The following ECT2L variants were observed in gnomAD, a reference collection of about 807,000 sequenced individuals.
The protein encoded by ECT2L is epithelial cell-transforming sequence 2 oncogene-like.
Under a neutral mutation model 122.8 loss-of-function variants are expected in ECT2L, and 126 were observed. That is an observed-to-expected ratio of 1.03 (90% CI 0.89 to 1.19). ECT2L has a LOEUF of 1.19. Ranked by LOEUF, ECT2L falls within the 50% of genes most tolerant of loss-of-function variation. The pLI, the probability that ECT2L is intolerant of heterozygous loss-of-function variation, is 0.00. For synonymous variants in ECT2L, 385 were observed against 381.8 expected, an observed-to-expected ratio of 1.01 and a Z score of -0.10; for missense variants, 1,012 against 1,064.1, an observed-to-expected ratio of 0.95 and a Z score of 0.68.
chr6:138,883,701 A>G lies in ECT2L; in HGVS notation c.2028+830A>G, dbSNP rs550050263. On this transcript the variant is annotated intron_variant, in intron 16 of 21. Transcript: ENST00000541398. Reference sequence around the variant, plus strand: ...GATTCAAAAGTTACATAAATAAGGTAGTTTCATAGAACCGACCTTGGAGAC... The same window carrying G: ...GATTCAAAAGTTACATAAATAAGGTGGTTTCATAGAACCGACCTTGGAGAC... 1.5e-4 allele frequency among the ~76,000 whole-genome samples: 23 copies of G among 152,340 alleles called. 1 individual carries two copies. The highest frequency in any genetic ancestry group is 1.3e-3 in the Admixed American group (20 of 15,304).
chr6:138,825,967 G>A (rs1013192361), intron 4 of ECT2L, among the ~76,000 whole-genome samples: 5 of 152,120 alleles, frequency 3.3e-5, no homozygotes, highest in East Asian at 3.9e-4. Flanking sequence ...CTTAGTCAAC[G>A]ACTCCCACAA....
chr6:138,858,992 G>A (rs571249775), intron 10 of ECT2L, among the ~76,000 whole-genome samples: 6 of 151,936 alleles, frequency 3.9e-5, no homozygotes, highest in Admixed American at 1.3e-4. Context: ...GCACCATCCC[G>A]CCTGGCCTAG....
intron 13 of ECT2L, among the ~76,000 whole-genome samples, chr6:138,868,769 C>T (rs1297009359): frequency 6.6e-6 from 1 of 152,138 alleles, no homozygotes; most frequent in East Asian, 1.9e-4. Context: ...GTCTACACTT[C>T]AGAAAACAGT....
chr6:138,893,171 TTTG>T (rs1324518816), intron 20 of ECT2L, among the ~76,000 whole-genome samples: 4 of 144,054 alleles, frequency 2.8e-5, no homozygotes, highest in East Asian at 2.1e-4. Flanking sequence ...TCAGTTTTTT[TTTG>T]TTTTTTTTTT....
chr6:138,814,167 CCACATTAGCCTAGGT>C (rs1485189731), intron 3 of ECT2L, among the ~76,000 whole-genome samples: 1 of 152,114 alleles, frequency 6.6e-6, no homozygotes, highest in Non-Finnish European at 1.5e-5. Flanking sequence ...TTTCCCTAGG[CCACATTAGCCTAGGT>C]AGAAACAAGA....
chr6:138,833,049 T>C (rs1776705852), intron 4 of ECT2L, among the ~76,000 whole-genome samples: 2 of 152,042 alleles, frequency 1.3e-5, no homozygotes, highest in African/African-American at 4.8e-5. Context: ...AAGGAGGAAC[T>C]GTCAAACGCC....
intron 16 of ECT2L, among the ~76,000 whole-genome samples, chr6:138,885,280 C>T (rs1188830): frequency 0.35 from 53,459 of 151,876 alleles, 11,262 homozygotes; most frequent in Admixed American, 0.5. Flanking sequence ...CGCCTGCCTC[C>T]GCCTCCCAAA....
intron 11 of ECT2L, among the ~76,000 whole-genome samples, chr6:138,863,224 C>T (rs545349993): frequency 2.6e-5 from 4 of 152,298 alleles, no homozygotes; most frequent in African/African-American, 4.8e-5. Flanking sequence ...AAATGTAACA[C>T]GGGCTGACCA....
At chr6:138,883,622 G>T (rs1471687187) in intron 16 of ECT2L, among the ~76,000 whole-genome samples, 3 of 152,200 alleles carry the variant, frequency 2.0e-5, no homozygotes, top group Non-Finnish European at 4.4e-5. Context: ...AGCTTCCTTT[G>T]TAGTATTCCT....
intron 4 of ECT2L, among the ~76,000 whole-genome samples, chr6:138,830,721 C>T (rs1167758907): frequency 6.6e-6 from 1 of 152,154 alleles, no homozygotes; most frequent in East Asian, 1.9e-4. Context: ...ATCTGGCTTC[C>T]TCCTACCTCT....
At chr6:138,834,926 C>T (rs1776770197) in intron 4 of ECT2L, among the ~76,000 whole-genome samples, 1 of 139,976 alleles carries the variant, frequency 7.1e-6, no homozygotes, top group Non-Finnish European at 1.5e-5. Flanking sequence ...CACACACACA[C>T]ACACACACAC....
At chr6:138,837,849 A>G (rs1413316219) in intron 4 of ECT2L, among the ~76,000 whole-genome samples, 1 of 152,018 alleles carries the variant, frequency 6.6e-6, no homozygotes, top group Admixed American at 6.6e-5. Context: ...TGTGAATTTT[A>G]GATATTCTTG....
chr6:138,818,251 G>A (rs866449990), intron 4 of ECT2L, among the ~76,000 whole-genome samples: 1 of 152,116 alleles, frequency 6.6e-6, no homozygotes, highest in Non-Finnish European at 1.5e-5. Context: ...ATTCACTCTC[G>A]TCACTTGTCT....
intron 3 of ECT2L, 52 bp downstream of exon 3, chr6:138,813,392 C>G (rs746231934): frequency 8.5e-6 from 12 of 1,415,458 alleles, no homozygotes; most frequent in Non-Finnish European, 1.2e-5. Context: ...GGTTAATTTT[C>G]CTGTGATATA....
intron 19 of ECT2L, among the ~76,000 whole-genome samples, chr6:138,887,550 G>A (rs939093733): frequency 1.3e-5 from 2 of 152,090 alleles, no homozygotes; most frequent in Admixed American, 1.3e-4. Context: ...CTATCTCCCT[G>A]CATATGATAC....
intron 4 of ECT2L, chr6:138,822,683 C>T (rs1167238376): frequency 4.9e-6 from 7 of 1,433,446 alleles, no homozygotes; most frequent in Non-Finnish European, 5.7e-6. Context: ...CTCCGGTCTA[C>T]AGCTCCCAGC....
At chr6:138,807,632 A>G (rs866333247) in intron 1 of ECT2L, among the ~76,000 whole-genome samples, 1 of 152,022 alleles carries the variant, frequency 6.6e-6, no homozygotes, top group East Asian at 1.9e-4. Flanking sequence ...CCAGATACCA[A>G]TTTTTTTTGT....
rs536127791 is a variant in ECT2L at position 138,872,320 on chromosome 6, C to T, written c.1578+4114C>T. 2.6e-5 allele frequency among the ~76,000 whole-genome samples: 4 copies of T among 152,352 alleles called. No homozygotes were observed. The South Asian group carries it at 6.2e-4, about 24-fold the overall frequency. ...TTTGCAGGAGCTAACCAGCTAACCA[C>T]ATGCTAGACCTTCTGCTAAATCCTG... On this transcript the variant is annotated intron_variant, in intron 13 of 21. Coordinates refer to ENST00000541398, the MANE Select transcript of ECT2L (RefSeq NM_001077706.3).
At chr6:138,869,870 G>A (rs1778187331) in intron 13 of ECT2L, among the ~76,000 whole-genome samples, 1 of 152,164 alleles carries the variant, frequency 6.6e-6, no homozygotes, top group Non-Finnish European at 1.5e-5. Flanking sequence ...ATTTGGCCAA[G>A]GGGTTGGTGT....
Sources: gnomAD v4.1 joint callset for allele counts (sites outside exome capture counted in the v4.1 genomes callset) on GRCh38, gnomAD v4.1.1 for gene constraint, MANE v1.5 for transcripts, NCBI Gene and HGNC (gene_info 2026-07-23, HGNC 2026-07-21) for gene names.